ROBO1: variants seen among roughly 807,000 people sequenced by gnomAD.
ROBO1 encodes roundabout homolog 1.
A neutral mutation model predicts 195.9 loss-of-function variants in ROBO1; 149 were observed. The observed-to-expected ratio is 0.76, with a 90% confidence interval of 0.67 to 0.87. The LOEUF (loss-of-function observed/expected upper bound fraction) is 0.87, where lower values mean the gene tolerates loss of function less well. Among genes scored for constraint, ROBO1 ranks in the 40% least tolerant of loss-of-function variants. The pLI is 0.00. For synonymous variants in ROBO1, 816 were observed against 733.2 expected (o/e 1.11, Z -1.82); for missense variants, 1,933 against 2,068.3 (o/e 0.93, Z 1.27).
At chr3:79,222,742 A>T (rs1436088776) in intron 2 of ROBO1, among the ~76,000 whole-genome samples, 5 of 152,132 alleles carry the variant, frequency 3.3e-5, no homozygotes, top group Non-Finnish European at 5.9e-5. Context: ...TCCATCCCAC[A>T]TCTGAATGCA....
At chr3:79,238,657 C>T (rs774863077) in intron 2 of ROBO1, among the ~76,000 whole-genome samples, 1 of 152,174 alleles carries the variant, frequency 6.6e-6, no homozygotes, top group Non-Finnish European at 1.5e-5. Context: ...GTTTTAAGTG[C>T]TTGATCCAGG....
chr3:79,471,928 C>A (rs1039130848), intron 2 of ROBO1, among the ~76,000 whole-genome samples: 2 of 151,102 alleles, frequency 1.3e-5, no homozygotes, highest in African/African-American at 2.4e-5. Context: ...CACACTGGGG[C>A]CTGTTGGGGG....
At chr3:78,694,668 C>T (rs558981702) in intron 8 of ROBO1, among the ~76,000 whole-genome samples, 30 of 152,070 alleles carry the variant, frequency 2.0e-4, no homozygotes, top group Non-Finnish European at 4.1e-4. Context: ...CTCAAAAACA[C>T]GGAATGGATA....
intron 2 of ROBO1, among the ~76,000 whole-genome samples, chr3:79,400,946 C>G (rs183446733): frequency 2.0e-5 from 3 of 151,734 alleles, no homozygotes; most frequent in Admixed American, 6.6e-5. Flanking sequence ...GGAGAGGAAA[C>G]AGCACCATTA....
chr3:79,412,874 A>ATTTTTTTTTTTTTTTTTTTTTTTTTTTT (rs1167482550), intron 2 of ROBO1, among the ~76,000 whole-genome samples: 2 of 38,338 alleles, frequency 5.2e-5, no homozygotes, highest in Non-Finnish European at 8.6e-5. Context: ...TCATGAGCTG[A>ATTTTTTTTTTTTTTTTTTTTTTTTTTTT]TTTTTTTTTT....
At chr3:79,396,348 C>T (rs1370830636) in intron 2 of ROBO1, among the ~76,000 whole-genome samples, 2 of 151,854 alleles carry the variant, frequency 1.3e-5, no homozygotes, top group Admixed American at 1.3e-4. Flanking sequence ...ATTTTAACAT[C>T]TTTTGATATA....
In ROBO1 at chr3:78,600,299, T is replaced by G. The variant is rs759074245; in HGVS notation, c.4755A>C (p.Leu1585=). The part of the protein sequence containing the change: ...AKTHLIQEDI[L]PYCRPTFPTS... Reference sequence around the variant, plus strand: ...TTGGAAAAGTAGGTCTACAATAAGGTAGAATATCCTCTGTGTAATGAAATA... The same window carrying G: ...TTGGAAAAGTAGGTCTACAATAAGGGAGAATATCCTCTGTGTAATGAAATA... Residue 1585 remains leucine, a synonymous_variant, in exon 30 of 31, where the codon CTA becomes CTC. Transcript: ENST00000464233. 2 of 1,601,646 alleles carry G rather than the reference T, an allele frequency of 1.2e-6. No individual in the cohort carries two copies. Among genetic ancestry groups the G allele is most frequent in the Non-Finnish European group, 1.7e-6 (2 of 1,168,940 alleles).
chr3:78,783,485 AC>A (rs2083742761), intron 4 of ROBO1, among the ~76,000 whole-genome samples: 1 of 152,202 alleles, frequency 6.6e-6, no homozygotes, highest in African/African-American at 2.4e-5. Flanking sequence ...CATATCTACT[AC>A]ATAATGATAA....
At chr3:79,383,406 A>AT (rs200819899) in intron 2 of ROBO1, among the ~76,000 whole-genome samples, 1,617 of 152,124 alleles carry the variant, frequency 0.011, 27 homozygotes, top group African/African-American at 0.037. Context: ...TTGATCAACA[A>AT]TTTTTTCTGA....
chr3:78,942,911 C>CT, intron 3 of ROBO1, among the ~76,000 whole-genome samples: 1 of 151,942 alleles, frequency 6.6e-6, no homozygotes, highest in Non-Finnish European at 1.5e-5. Context: ...GACCCCATCT[C>CT]TAAAAAGTTT....
chr3:79,706,501 T>C (rs1947773578), intron 1 of ROBO1, among the ~76,000 whole-genome samples: 1 of 152,106 alleles, frequency 6.6e-6, no homozygotes, highest in Admixed American at 6.6e-5. Flanking sequence ...AATCCTATTT[T>C]GTAATAGATA....
intron 2 of ROBO1, among the ~76,000 whole-genome samples, chr3:79,316,802 C>A (rs1347381039): frequency 6.6e-6 from 1 of 152,056 alleles, no homozygotes; most frequent in South Asian, 2.1e-4. Context: ...GATTATGCCA[C>A]TCTGAAATTA....
At chr3:78,839,223 C>G (rs1241597226) in intron 4 of ROBO1, among the ~76,000 whole-genome samples, 1 of 151,978 alleles carries the variant, frequency 6.6e-6, no homozygotes, top group Non-Finnish European at 1.5e-5. Context: ...ATTTGATCAC[C>G]TGATCCTAAG....
chr3:79,425,427 T>C (rs897580083), intron 2 of ROBO1, among the ~76,000 whole-genome samples: 9 of 152,262 alleles, frequency 5.9e-5, no homozygotes, highest in Middle Eastern at 3.4e-3. Context: ...ATTTTGGAAA[T>C]GCTATGATAG....
intron 4 of ROBO1, among the ~76,000 whole-genome samples, chr3:78,798,436 C>T (rs1195742964): frequency 1.3e-5 from 2 of 152,152 alleles, no homozygotes; most frequent in Non-Finnish European, 2.9e-5. Context: ...ACTTTATTTA[C>T]TCTGCATTTA....
At chr3:79,527,399 T>C (rs933130669) in intron 2 of ROBO1, among the ~76,000 whole-genome samples, 4 of 152,154 alleles carry the variant, frequency 2.6e-5, no homozygotes, top group Non-Finnish European at 2.9e-5. Context: ...TAAATGAAGT[T>C]CTTCAAATTC....
At chr3:79,644,937 A>C (rs962796452) in intron 1 of ROBO1, among the ~76,000 whole-genome samples, 2 of 152,156 alleles carry the variant, frequency 1.3e-5, no homozygotes, top group African/African-American at 4.8e-5. Flanking sequence ...ACACATGGAA[A>C]TTAAATGACA....
At chr3:79,079,784 C>T (rs2079238662) in intron 3 of ROBO1, among the ~76,000 whole-genome samples, 1 of 151,602 alleles carries the variant, frequency 6.6e-6, no homozygotes, top group East Asian at 1.9e-4. Context: ...AAATAAAAAA[C>T]ATAATAATCT....
intron 2 of ROBO1, among the ~76,000 whole-genome samples, chr3:79,478,576 G>A (rs934724341): frequency 6.6e-6 from 1 of 152,150 alleles, no homozygotes; most frequent in Non-Finnish European, 1.5e-5. Context: ...AGCCTGAGCT[G>A]CTTGGGGGAA....
Sources: allele counts gnomAD v4.1 joint callset (sites outside exome capture counted in the v4.1 genomes callset), GRCh38; gene constraint gnomAD v4.1.1; transcripts MANE v1.5; gene names NCBI Gene and HGNC (gene_info 2026-07-23, HGNC 2026-07-21).